ZCCHC4: variants seen among roughly 807,000 people sequenced by gnomAD.
ZCCHC4 encodes rRNA N(6)-adenosine-methyltransferase ZCCHC4.
ZCCHC4 carries 54 observed loss-of-function variants against 67.7 expected under a neutral mutation model. That is an observed-to-expected ratio of 0.80 (90% CI 0.64 to 1.00). The LOEUF is 1.00. Among genes scored for constraint, ZCCHC4 ranks in the 50% least tolerant of loss-of-function variants. The pLI is 0.00. For synonymous variants in ZCCHC4, 198 were observed against 213.5 expected (o/e 0.93, Z 0.63); for missense variants, 609 against 617.0 (o/e 0.99, Z 0.14).
rs1425679037 is a variant in ZCCHC4, at chr4:25,369,591, G to A, written c.*427G>A. On this transcript the variant is annotated 3_prime_UTR_variant, in exon 13 of 13. Coordinates refer to ENST00000302874, the MANE Select transcript of ZCCHC4 (RefSeq NM_024936.3). Reference sequence around the variant, plus strand: ...TGGAATTATAGGCACATGCCACCACGACTGGCTAATTTTTGTATTTTTAGT... The same window carrying A: ...TGGAATTATAGGCACATGCCACCACAACTGGCTAATTTTTGTATTTTTAGT... The A allele has an allele frequency of 2.5e-5, 4 of 159,368 alleles. No homozygotes were observed. In the Admixed American group the frequency reaches 2.6e-4, roughly 10 times the overall value. 9.9% of individuals were successfully genotyped at this position (159,368 alleles called of 1,614,324 possible). A position where few individuals can be genotyped will look rare whatever the true frequency, so the allele number is the denominator to read the frequency against.
intron 8 of ZCCHC4, among the ~76,000 whole-genome samples, chr4:25,361,511 C>G (rs1577352903): frequency 6.6e-6 from 1 of 152,240 alleles, no homozygotes; most frequent in Non-Finnish European, 1.5e-5. Context: ...TGAGCCCGTG[C>G]TTGGCCTGGA....
intron 11 of ZCCHC4, 33 bp downstream of exon 11, chr4:25,364,538 T>G (rs1720869799): frequency 6.6e-7 from 1 of 1,504,744 alleles, no homozygotes; most frequent in Non-Finnish European, 9.0e-7. Context: ...TGAGATCCTA[T>G]GAACATATTT....
At chr4:25,318,831 A>G (rs1393727723) in intron 3 of ZCCHC4, among the ~76,000 whole-genome samples, 1 of 151,926 alleles carries the variant, frequency 6.6e-6, no homozygotes, top group Admixed American at 6.6e-5. Context: ...ATCTAGTGCT[A>G]ATTCTTGCCA....
intron 3 of ZCCHC4, among the ~76,000 whole-genome samples, chr4:25,324,014 G>GGTTTTTTTTTTTTTTTTTTTTTT (rs777768505): frequency 3.6e-5 from 3 of 82,430 alleles, no homozygotes; most frequent in African/African-American, 1.0e-4. Context: ...TGTTTTTTGT[G>GGTTTTTTTTTTTTTTTTTTTTTT]TTTTTTTTTT....
intron 3 of ZCCHC4, among the ~76,000 whole-genome samples, chr4:25,319,765 A>G (rs1718481828): frequency 6.6e-6 from 1 of 152,058 alleles, no homozygotes; most frequent in South Asian, 2.1e-4. Flanking sequence ...AGGATGATGT[A>G]CTATTGCTTG....
chr4:25,354,485 G>GTAC (rs1720434773), intron 8 of ZCCHC4, among the ~76,000 whole-genome samples: 1 of 152,178 alleles, frequency 6.6e-6, no homozygotes, highest in African/African-American at 2.4e-5. Flanking sequence ...GGGAAGAACA[G>GTAC]TACTGTCCAT....
At position 25,361,840 on chromosome 4, in the gene ZCCHC4, C is replaced by T. The variant is rs1201439988; in HGVS notation, c.1012-19C>T. On this transcript the variant is annotated intron_variant, in intron 8 of 12. Transcript: ENST00000302874. ...AATTTGAGTAAATTTTCTTTCTGCTCTAATTTTTAACTTTCTAGGTAGATT... is the reference window on the plus strand; with the variant it reads ...AATTTGAGTAAATTTTCTTTCTGCTTTAATTTTTAACTTTCTAGGTAGATT... 4 of 1,585,024 alleles carry T rather than the reference C, an allele frequency of 2.5e-6. No individual in the cohort carries two copies. Among genetic ancestry groups the T allele is most frequent in the Non-Finnish European group, 3.4e-6 (4 of 1,165,338 alleles).
chr4:25,334,794 G>A (rs1333617452), intron 5 of ZCCHC4, among the ~76,000 whole-genome samples: 1 of 151,838 alleles, frequency 6.6e-6, no homozygotes, highest in Non-Finnish European at 1.5e-5. Context: ...CAGGCTTTGT[G>A]TTTCCTTTTA....
In ZCCHC4 at chr4:25,351,249, T is replaced by C. The variant is rs78251047; in HGVS notation, c.911-340T>C. Among the ~76,000 whole-genome samples the C allele has an allele frequency of 6.8e-3, 1,032 of 152,346 alleles. 11 individuals carry two copies. Among genetic ancestry groups the C allele is most frequent in the African/African-American group, 0.023 (968 of 41,574 alleles). On this transcript the variant is annotated intron_variant, in intron 7 of 12. Coordinates refer to ENST00000302874, the MANE Select transcript of ZCCHC4 (RefSeq NM_024936.3). Reference sequence around the variant, plus strand: ...ACTGCCTTCTAGTCCAGAGGTCCTTTCACTGCATCATGACTACCTTTGTGC... The same window carrying C: ...ACTGCCTTCTAGTCCAGAGGTCCTTCCACTGCATCATGACTACCTTTGTGC...
At chr4:25,322,986 T>C (rs1718664114) in intron 3 of ZCCHC4, among the ~76,000 whole-genome samples, 1 of 152,228 alleles carries the variant, frequency 6.6e-6, no homozygotes, top group Non-Finnish European at 1.5e-5. Context: ...GTAGCAACTC[T>C]AGTCACCTCT....
rs1389302798 is a variant in ZCCHC4 at position 25,369,160 on chromosome 4, C to T, written c.1538C>T (p.Ser513Phe). 6.2e-7 allele frequency: 1 copy of T among 1,609,814 alleles called. No homozygotes were observed. Among genetic ancestry groups the T allele is most frequent in the African/African-American group, 1.3e-5 (1 of 74,438 alleles). The part of the protein sequence containing the change: ...RRERAHQYLG[S>F] ...GAAAGAGCCCATCAATATCTTGGCTCTTAAATGTCCAGTGACTGGAGAATA... is the reference window on the plus strand; with the variant it reads ...GAAAGAGCCCATCAATATCTTGGCTTTTAAATGTCCAGTGACTGGAGAATA... Residue 513 changes from serine to phenylalanine, a missense_variant, in exon 13 of 13, where the codon TCT (serine) becomes TTT (phenylalanine). By Grantham distance (155) the Ser-to-Phe change is radical. Transcript: ENST00000302874.
chr4:25,344,012 A>G (rs1051840505), intron 5 of ZCCHC4, among the ~76,000 whole-genome samples: 3 of 152,230 alleles, frequency 2.0e-5, no homozygotes, highest in Non-Finnish European at 4.4e-5. Context: ...AGGTTTCTAT[A>G]TTATATGGAA....
At chr4:25,326,606 T>C (rs928605386) in intron 3 of ZCCHC4, among the ~76,000 whole-genome samples, 3 of 152,240 alleles carry the variant, frequency 2.0e-5, no homozygotes, top group African/African-American at 4.8e-5. Context: ...CTTTATAATG[T>C]CTTCTTGAAA....
Position 25,314,166 on chromosome 4 carries a change from T to C in ZCCHC4, c.246+2T>C. 6.4e-7 allele frequency: 1 copy of C among 1,561,174 alleles called. No individual in the cohort carries two copies. Among genetic ancestry groups the C allele is most frequent in the Non-Finnish European group, 8.7e-7 (1 of 1,148,318 alleles). On this transcript the variant is annotated splice_donor_variant, in intron 2 of 12. Transcript: ENST00000302874. LOFTEE classifies it high-confidence loss of function. The stretch of plus-strand genomic sequence containing the variant: ...TTTTTTCAGTGGGAAGATGAAAAGG[T>C]ATATCAACTTTTTGGATATTTATTT...
At chr4:25,315,783 G>A (rs1309499792) in intron 3 of ZCCHC4, among the ~76,000 whole-genome samples, 1 of 150,100 alleles carries the variant, frequency 6.7e-6, no homozygotes, top group South Asian at 2.1e-4. Flanking sequence ...GTGCTGTCAC[G>A]ACTCACTATA....
intron 8 of ZCCHC4, among the ~76,000 whole-genome samples, chr4:25,357,158 A>C (rs189549479): frequency 1.3e-5 from 2 of 152,366 alleles, no homozygotes; most frequent in Admixed American, 1.3e-4. Context: ...GGATAAGTCC[A>C]ATTGCTATTC....
At chr4:25,325,613 A>G (rs1197635784) in intron 3 of ZCCHC4, among the ~76,000 whole-genome samples, 4 of 152,178 alleles carry the variant, frequency 2.6e-5, no homozygotes, top group African/African-American at 7.2e-5. Context: ...AAAATTTTTT[A>G]TTAAGTTCAA....
chr4:25,317,850 T>C (rs1289186189), intron 3 of ZCCHC4, among the ~76,000 whole-genome samples: 1 of 152,168 alleles, frequency 6.6e-6, no homozygotes, highest in South Asian at 2.1e-4. Context: ...ATAGGAGTTA[T>C]ACTTTATCAT....
chr4:25,322,083 T>G (rs1258653347), intron 3 of ZCCHC4, among the ~76,000 whole-genome samples: 1 of 152,164 alleles, frequency 6.6e-6, no homozygotes, highest in Non-Finnish European at 1.5e-5. Context: ...GATGCTAAAA[T>G]GTGAAAAAAT....
Sources: gnomAD v4.1 joint callset for allele counts (sites outside exome capture counted in the v4.1 genomes callset) on GRCh38, gnomAD v4.1.1 for gene constraint, MANE v1.5 for transcripts, NCBI Gene and HGNC (gene_info 2026-07-23, HGNC 2026-07-21) for gene names.